The following APBB2 variants were observed in gnomAD, a reference collection of about 807,000 sequenced individuals.
APBB2 encodes amyloid beta precursor protein binding family B member 2, also known as Fe65-like 1.
APBB2 carries 38 observed loss-of-function variants against 82.5 expected under a neutral mutation model. The observed-to-expected ratio is 0.46, with a 90% CI of 0.36 to 0.60. The LOEUF (loss-of-function observed/expected upper bound fraction) is 0.60, where lower values mean the gene tolerates loss of function less well. APBB2 is among the 20% of genes least tolerant of loss of function. APBB2 has a pLI of 0.00. For synonymous variants in APBB2, 341 were observed against 368.2 expected (o/e 0.93, Z 0.85); for missense variants, 772 against 972.3 (o/e 0.79, Z 2.74).
At chr4:40,864,291 A>AAAACAAAACAAAACAAAAC (rs1368211361) in intron 12 of APBB2, among the ~76,000 whole-genome samples, 3 of 108,930 alleles carry the variant, frequency 2.8e-5, no homozygotes, top group Non-Finnish European at 7.0e-5. Context: ...CAAAACAAAA[A>AAAACAAAACAAAACAAAAC]AACCACTGTG....
intron 10 of APBB2, among the ~76,000 whole-genome samples, chr4:40,932,531 G>A (rs951455185): frequency 1.3e-5 from 2 of 152,170 alleles, no homozygotes; most frequent in African/African-American, 4.8e-5. Context: ...CCCCTCTTAA[G>A]TGCTACTAAG....
At position 40,991,010 on chromosome 4, in the gene APBB2, CATT is replaced by C. The variant is rs756679423; in HGVS notation, c.835+22570_835+22572del. Among the ~76,000 whole-genome samples the C allele has an allele frequency of 2.3e-4, 30 of 128,710 alleles. 2 individuals are homozygous for C. The highest frequency in any genetic ancestry group is 2.8e-4 in the Non-Finnish European group (17 of 60,738). The allele number at this position is 128,710 out of a possible 152,430, so 84.4% of individuals were successfully genotyped here. A position where few individuals can be genotyped will look rare whatever the true frequency, so the allele number is the denominator to read the frequency against. On this transcript the variant is annotated intron_variant, in intron 6 of 17. Coordinates refer to ENST00000508593, the MANE Select transcript of APBB2 (RefSeq NM_004307.2). ...TTTCTGGTCATTTTGGACTGAGTTT[CATT>C]TTTTTTTTTTTTGGAGGCAAGGTTT...
chr4:40,823,510 T>G (rs1330009418), intron 16 of APBB2, 134 bp downstream of exon 16: 2 of 648,856 alleles, frequency 3.1e-6, no homozygotes, highest in Non-Finnish European at 5.5e-6. Flanking sequence ...GGCCAAATCT[T>G]TCAAATGTAG....
chr4:40,928,387 AACACACAC>A (rs34694637), intron 10 of APBB2, among the ~76,000 whole-genome samples: 36 of 112,864 alleles, frequency 3.2e-4, no homozygotes, highest in South Asian at 3.1e-3. Flanking sequence ...TACTAAAGAA[AACACACAC>A]ACACACACAC....
At chr4:40,988,745 G>A (rs2154409066) in intron 6 of APBB2, among the ~76,000 whole-genome samples, 1 of 146,716 alleles carries the variant, frequency 6.8e-6, no homozygotes, top group Admixed American at 6.8e-5. Context: ...TAAATAATGA[G>A]TTTTCATTTG....
At chr4:41,126,208 T>G (rs1444055008) in intron 2 of APBB2, among the ~76,000 whole-genome samples, 1 of 144,466 alleles carries the variant, frequency 6.9e-6, no homozygotes, top group African/African-American at 2.6e-5. Context: ...AGTGAGATCG[T>G]GTCTCTACAA....
Position 41,168,356 on chromosome 4 carries a change from C to T in APBB2, c.-416-25214G>A, listed in dbSNP as rs115521202. On this transcript the variant is annotated intron_variant, in intron 1 of 17. Transcript: ENST00000508593. ...GAATAATTTTGTCTGTTGAAGCCAA[C>T]ATTTTTTTAATTATTTATTTATTTT... Among the ~76,000 whole-genome samples, 1,409 of 151,558 alleles carry T rather than the reference C, an allele frequency of 9.3e-3. 28 individuals are homozygous for T. Among genetic ancestry groups the T allele is most frequent in the African/African-American group, 0.033 (1,344 of 41,340 alleles).
intron 3 of APBB2, among the ~76,000 whole-genome samples, chr4:41,096,300 A>G (rs964290038): frequency 6.6e-6 from 1 of 152,184 alleles, no homozygotes; most frequent in Non-Finnish European, 1.5e-5. Context: ...AACATGTTCT[A>G]ACTGTATCAA....
intron 5 of APBB2, among the ~76,000 whole-genome samples, chr4:41,014,840 T>G (rs1486728410): frequency 6.6e-6 from 1 of 152,216 alleles, no homozygotes. Flanking sequence ...GCTTTCTTAA[T>G]TAACCTGAAA....
chr4:41,031,535 CGTT>C (rs78186331), intron 5 of APBB2, among the ~76,000 whole-genome samples: 6,958 of 152,196 alleles, frequency 0.046, 334 homozygotes, highest in African/African-American at 0.12. Context: ...GTATCTCTTA[CGTT>C]ATAACCACCA....
At chr4:41,098,979 A>C (rs1744452003) in intron 3 of APBB2, among the ~76,000 whole-genome samples, 1 of 152,254 alleles carries the variant, frequency 6.6e-6, no homozygotes, top group South Asian at 2.1e-4. Context: ...TTTAAGATTA[A>C]CATGTGATTA....
chr4:41,169,157 C>T (rs1580585428), intron 1 of APBB2, among the ~76,000 whole-genome samples: 1 of 126,752 alleles, frequency 7.9e-6, no homozygotes, highest in African/African-American at 3.1e-5. Flanking sequence ...TGCACTCCAG[C>T]TTGGCGACAG....
chr4:41,131,691 A>G (rs919176952), intron 2 of APBB2, among the ~76,000 whole-genome samples: 1 of 152,214 alleles, frequency 6.6e-6, no homozygotes, highest in African/African-American at 2.4e-5. Flanking sequence ...TTAGGAAAAT[A>G]CGTTTCTAAA....
chr4:41,112,034 T>C (rs998510986), intron 2 of APBB2, among the ~76,000 whole-genome samples: 9 of 152,144 alleles, frequency 5.9e-5, no homozygotes, highest in Non-Finnish European at 1.3e-4. Context: ...TGGAAATGCT[T>C]TTCTCACAGC....
intron 6 of APBB2, among the ~76,000 whole-genome samples, chr4:40,976,986 C>G (rs768733009): frequency 6.6e-6 from 1 of 152,070 alleles, no homozygotes. Flanking sequence ...GAGGTCGAGG[C>G]TACAGTGAGC....
chr4:41,021,976 A>G (rs1370329985), intron 5 of APBB2, among the ~76,000 whole-genome samples: 1 of 152,084 alleles, frequency 6.6e-6, no homozygotes, highest in East Asian at 1.9e-4. Flanking sequence ...CCATGAACCC[A>G]CTGGAAGAAA....
At chr4:41,045,944 A>G (rs13131934) in intron 4 of APBB2, among the ~76,000 whole-genome samples, 7,682 of 152,270 alleles carry the variant, frequency 0.05, 318 homozygotes, top group Non-Finnish European at 0.081. Flanking sequence ...CTGATGTTTT[A>G]TAAGTTGCTA....
chr4:41,013,364 GAACA>G (rs1808922573), intron 6 of APBB2, among the ~76,000 whole-genome samples: 1 of 152,064 alleles, frequency 6.6e-6, no homozygotes, highest in South Asian at 2.1e-4. Flanking sequence ...ATGCTTCCCA[GAACA>G]AACAACTTTA....
intron 4 of APBB2, among the ~76,000 whole-genome samples, chr4:41,051,999 A>G (rs944443108): frequency 1.1e-4 from 17 of 152,206 alleles, no homozygotes; most frequent in Admixed American, 2.0e-4. Flanking sequence ...TGGTGATGGC[A>G]CACAGTAATT....
Sources: allele counts gnomAD v4.1 joint callset (sites outside exome capture counted in the v4.1 genomes callset), GRCh38; gene constraint gnomAD v4.1.1; transcripts MANE v1.5; gene names NCBI Gene and HGNC (gene_info 2026-07-23, HGNC 2026-07-21).